The following MYO1F variants were observed in gnomAD, a reference collection of about 807,000 sequenced individuals.
MYO1F encodes the protein unconventional myosin-If.
Under a neutral mutation model 146.6 loss-of-function variants are expected in MYO1F, and 60 were observed. The ratio of observed to expected loss-of-function variants is 0.41; its 90% confidence interval spans 0.33 to 0.51. The LOEUF is 0.51. MYO1F is among the 20% of genes least tolerant of loss of function. The pLI, the probability that MYO1F is intolerant of heterozygous loss-of-function variation, is 0.25. For missense variants in MYO1F, 1,274 were observed against 1,534.3 expected, an observed-to-expected ratio of 0.83 and a Z score of 2.83; for synonymous variants, 602 against 602.1, an observed-to-expected ratio of 1.00 and a Z score of 0.00.
chr19:8,555,501 C>G, intron 2 of MYO1F, 158 bp downstream of exon 2: 1 of 1,003,404 alleles, frequency 1.0e-6, no homozygotes, highest in South Asian at 1.5e-5. Context: ...ACAGCTGCCC[C>G]CAACCAGAGC....
At chr19:8,549,001 A>C (rs1046878826) in intron 10 of MYO1F, among the ~76,000 whole-genome samples, 4 of 151,076 alleles carry the variant, frequency 2.6e-5, no homozygotes, top group African/African-American at 9.7e-5. Flanking sequence ...CCAGGCTGGA[A>C]TGCCAGTGGC....
rs371067269 is a variant in MYO1F, at chr19:8,555,784, G to T, written c.16C>A (p.Arg6Ser). ...ACGTTGTGGCTCTGCCAGTGGAAGC[G>T]CTCCTTGCTGCCCTGGGGGGTGAGA... is the stretch of plus-strand genomic sequence containing the variant. MGSKE[R>S]FHWQSHNVKQ... The change falls in exon 2 of 28, where the codon CGC (arginine) becomes AGC (serine). Residue 6 changes from arginine (R) to serine (S), a missense_variant. Transcript: ENST00000644032. The T allele has an allele frequency of 6.2e-6, 10 of 1,613,214 alleles. No homozygotes were observed. Among genetic ancestry groups the T allele is most frequent in the Non-Finnish European group, 8.5e-6 (10 of 1,179,888 alleles).
chr19:8,544,317 T>C lies in MYO1F; in HGVS notation c.1504A>G (p.Ile502Val), dbSNP rs200797032. 2.6e-4 allele frequency: 427 copies of C among 1,612,912 alleles called. No individual in the cohort carries two copies. The East Asian group carries it at 8.5e-3, about 32-fold the overall frequency. The change falls in exon 14 of 28, where the codon ATC becomes GTC. Residue 502 changes from isoleucine to valine, a missense_variant. Ile to Val is a conservative substitution (Grantham distance 29). Around this residue, in one of 2 missense-constraint regions of MYO1F, gnomAD observed 900 missense variants for 1,155.1 expected, o/e 0.78. Coordinates refer to ENST00000644032, the MANE Select transcript of MYO1F (RefSeq NM_012335.4). ...HFNSWSAGFV[I>V]HHYAGKVSYD... ...CGCACCTTGCCAGCGTAGTGGTGGATGACGAAGCCGGCGCTCCAGCTGTTG... is the reference window on the plus strand; with the variant it reads ...CGCACCTTGCCAGCGTAGTGGTGGACGACGAAGCCGGCGCTCCAGCTGTTG...
chr19:8,557,742 C>T (rs913990776), intron 1 of MYO1F, among the ~76,000 whole-genome samples: 5 of 152,110 alleles, frequency 3.3e-5, no homozygotes, highest in Non-Finnish European at 5.9e-5. Context: ...GCAGGGAGAC[C>T]GGGTGACTTG....
At chr19:8,554,136 A>G (rs953164026) in intron 4 of MYO1F, among the ~76,000 whole-genome samples, 1 of 151,644 alleles carries the variant, frequency 6.6e-6, no homozygotes. Flanking sequence ...ATTATTATCT[A>G]TACAGAGACA....
intron 1 of MYO1F, among the ~76,000 whole-genome samples, chr19:8,556,905 A>G (rs1468523190): frequency 3.3e-5 from 5 of 151,564 alleles, no homozygotes; most frequent in Non-Finnish European, 1.5e-5. Context: ...AAAAAAAAAA[A>G]AAAAAGGAAG....
chr19:8,544,587 G>A, intron 13 of MYO1F, 123 bp from the exon 14 acceptor site: 2 of 941,252 alleles, frequency 2.1e-6, no homozygotes, highest in Non-Finnish European at 3.1e-6. Context: ...AGCTTTGGGG[G>A]TGGGGAGGGC....
chr19:8,566,778 T>C (rs2042012654), intron 1 of MYO1F, among the ~76,000 whole-genome samples: 1 of 151,586 alleles, frequency 6.6e-6, no homozygotes, highest in Non-Finnish European at 1.5e-5. Flanking sequence ...CCTCCCAAAG[T>C]GCTGGGATTA....
At chr19:8,543,876 C>G (rs562611528) in intron 14 of MYO1F, among the ~76,000 whole-genome samples, 30 of 8,814 alleles carry the variant, frequency 3.4e-3, no homozygotes, top group South Asian at 5.4e-3. Flanking sequence ...GCTGGTGGTG[C>G]TGGTGGTGGT....
chr19:8,574,682 T>C (rs1487388589), intron 1 of MYO1F, among the ~76,000 whole-genome samples: 3 of 130,908 alleles, frequency 2.3e-5, no homozygotes, highest in Non-Finnish European at 4.9e-5. Flanking sequence ...TTTCTTTCTT[T>C]CTTCCTTTCT....
chr19:8,523,381 C>T (rs190225305), intron 25 of MYO1F, among the ~76,000 whole-genome samples: 6 of 152,152 alleles, frequency 3.9e-5, no homozygotes, highest in African/African-American at 9.6e-5. Context: ...GTCTCACTCT[C>T]GCCCAGGTTG....
intron 1 of MYO1F, among the ~76,000 whole-genome samples, chr19:8,575,709 G>A (rs1025293762): frequency 2.0e-5 from 3 of 148,682 alleles, no homozygotes; most frequent in East Asian, 3.9e-4. Context: ...CCAGACAGAG[G>A]TGGGTGTCAT....
rs148281976 is a variant in MYO1F, at chr19:8,536,967, C to T, written c.1781G>A (p.Arg594Gln). The T allele has an allele frequency of 1.4e-4, 226 of 1,612,342 alleles. 1 individual carries two copies. The Admixed American group carries it at 1.7e-3, about 12-fold the overall frequency. Residue 594 changes from arginine (R) to glutamine (Q), a missense_variant, in exon 17 of 28, where the codon CGA becomes CAA. Physicochemically the swap from Arg to Gln is conservative, Grantham distance 43. Coordinates refer to ENST00000644032, the MANE Select transcript of MYO1F (RefSeq NM_012335.4). ...GGATCACCTGTTCTCCTCCCAGTCT[C>T]GGGGCCTCTTGGTCTCGTTGGGTTT... ...CIKPNETKRP[R>Q]DWEENRVKHQ... is the part of the protein sequence containing the mutation.
intron 1 of MYO1F, among the ~76,000 whole-genome samples, chr19:8,572,093 G>A (rs73004540): frequency 0.023 from 3,441 of 152,186 alleles, 83 homozygotes; most frequent in East Asian, 0.11. Context: ...GCTGACAGTC[G>A]GTGGCTACCG....
At chr19:8,574,998 C>T (rs1201072451) in intron 1 of MYO1F, among the ~76,000 whole-genome samples, 1 of 151,740 alleles carries the variant, frequency 6.6e-6, no homozygotes, top group Non-Finnish European at 1.5e-5. Flanking sequence ...TCAGGTGATC[C>T]GCCCACCTCG....
chr19:8,530,027 G>C lies in MYO1F; in HGVS notation c.2328+169C>G. ...GATGGAACAGATGGATCTAGGCTGGGGGATCTATGCCTGTGGGCAGGTGCA... is the reference window on the plus strand; with the variant it reads ...GATGGAACAGATGGATCTAGGCTGGCGGATCTATGCCTGTGGGCAGGTGCA... On this transcript the variant is annotated intron_variant, in intron 21 of 27. Transcript: ENST00000644032. This position sits in a 1 kb window ranked among gnomAD's most constrained non-coding sequence, Gnocchi z 5.8. 1.1e-6 allele frequency: 1 copy of C among 870,916 alleles called. No individual in the cohort carries two copies. The highest frequency in any genetic ancestry group is 1.9e-6 in the Non-Finnish European group (1 of 534,844). 53.9% of individuals were successfully genotyped at this position (870,916 alleles called of 1,614,324 possible).
chr19:8,523,016 A>C (rs73002701), intron 25 of MYO1F, among the ~76,000 whole-genome samples, 187 bp from the exon 26 acceptor site: 2 of 147,008 alleles, frequency 1.4e-5, no homozygotes, highest in Middle Eastern at 6.9e-3. Flanking sequence ...TTTAAGCATA[A>C]TTTTAAAATT....
intron 2 of MYO1F, chr19:8,555,321 G>A (rs1205759283): frequency 3.6e-6 from 1 of 275,022 alleles, no homozygotes; most frequent in Non-Finnish European, 6.7e-6. Flanking sequence ...AGTGAGCTGA[G>A]ATTGTGCCAC....
In MYO1F at chr19:8,548,303, A is replaced by G; in HGVS notation, c.1116T>C (p.Ala372=). 2.5e-6 allele frequency: 4 copies of G among 1,611,084 alleles called. No individual in the cohort carries two copies. The highest frequency in any genetic ancestry group is 3.3e-4 in the Middle Eastern group (2 of 6,050). ...FDFLVEAINR[A]MQKPQEEYSI... is the part of the protein sequence containing the mutation. ...TGTACTCTTCCTGGGGTTTCTGCAT[A>G]GCACGGTTGATGGCCTGCGGTGTGG... Residue 372 remains alanine (A), a synonymous_variant, in exon 11 of 28, where the codon GCT becomes GCC. Coordinates refer to ENST00000644032, the MANE Select transcript of MYO1F (RefSeq NM_012335.4).
Sources: gnomAD v4.1 joint callset for allele counts (sites outside exome capture counted in the v4.1 genomes callset) on GRCh38, gnomAD v4.1.1 for gene constraint, gnomAD v4.1.1 regional missense constraint, Gnocchi (gnomAD v3.1) non-coding constraint, MANE v1.5 for transcripts, NCBI Gene and HGNC (gene_info 2026-07-23, HGNC 2026-07-21) for gene names.